BOLL: variants seen among roughly 807,000 people sequenced by gnomAD.
BOLL encodes protein boule-like.
A neutral mutation model predicts 44.4 loss-of-function variants in BOLL; 23 were observed. The observed-to-expected ratio is 0.52, with a 90% confidence interval of 0.37 to 0.73. The LOEUF (loss-of-function observed/expected upper bound fraction) is 0.73. Among genes scored for constraint, BOLL ranks in the 30% least tolerant of loss-of-function variants. The pLI is 0.00. For synonymous variants in BOLL, 97 were observed against 110.8 expected, an observed-to-expected ratio of 0.88 and a Z score of 0.78; for missense variants, 287 against 338.3, an observed-to-expected ratio of 0.85 and a Z score of 1.19.
intron 9 of BOLL, among the ~76,000 whole-genome samples, chr2:197,755,555 A>G (rs1275907823): frequency 6.6e-6 from 1 of 152,250 alleles, no homozygotes; most frequent in Non-Finnish European, 1.5e-5. Context: ...ATGGAATGCT[A>G]TGCAGCCATA....
intron 5 of BOLL, chr2:197,774,739 C>T (rs1431398153): frequency 2.0e-5 from 3 of 151,874 alleles, no homozygotes; most frequent in Non-Finnish European, 4.4e-5. Context: ...TAGTGCATTC[C>T]ATTTTGTATT....
intron 9 of BOLL, among the ~76,000 whole-genome samples, chr2:197,749,225 A>G (rs1458384408): frequency 6.6e-6 from 1 of 152,240 alleles, no homozygotes; most frequent in Admixed American, 6.5e-5. Context: ...CAAAAACCCC[A>G]TTCACAGGTC....
intron 7 of BOLL, 24 bp from the exon 8 acceptor site, chr2:197,757,424 AAAACCCATTCTGATTAT>A: frequency 6.3e-7 from 1 of 1,598,732 alleles, no homozygotes; most frequent in Non-Finnish European, 8.5e-7. Flanking sequence ...AAAGAAAAGA[AAAACCCATTCTGATTAT>A]AAACAAGGGT....
intron 10 of BOLL, among the ~76,000 whole-genome samples, chr2:197,736,745 G>A (rs538978541): frequency 2.2e-4 from 33 of 152,142 alleles, no homozygotes; most frequent in African/African-American, 7.7e-4. Flanking sequence ...ATCCTTTTTT[G>A]ATTTGTAAAT....
intron 9 of BOLL, among the ~76,000 whole-genome samples, chr2:197,746,871 A>T (rs1055973662): frequency 6.7e-6 from 1 of 149,362 alleles, no homozygotes; most frequent in Non-Finnish European, 1.5e-5. Context: ...CTGCACTCCA[A>T]CTTGGTGACA....
At chr2:197,751,166 A>G (rs1475591393) in intron 9 of BOLL, among the ~76,000 whole-genome samples, 1 of 152,246 alleles carries the variant, frequency 6.6e-6, no homozygotes, top group Non-Finnish European at 1.5e-5. Context: ...AGAGAAATTT[A>G]TAGCACTAAA....
chr2:197,732,634 T>G (rs1687251652), intron 10 of BOLL, among the ~76,000 whole-genome samples: 1 of 150,568 alleles, frequency 6.6e-6, no homozygotes, highest in South Asian at 2.1e-4. Context: ...GCTTCATCCC[T>G]GGGATGCAAG....
At chr2:197,738,097 C>A (rs1687577787) in intron 10 of BOLL, among the ~76,000 whole-genome samples, 2 of 152,210 alleles carry the variant, frequency 1.3e-5, no homozygotes, top group African/African-American at 2.4e-5. Flanking sequence ...ACCCTTCATA[C>A]CTTGGGATTT....
Position 197,728,501 on chromosome 2 carries a change from C to T in BOLL, c.*54G>A. The T allele has an allele frequency of 6.2e-7, 1 of 1,613,924 alleles. No homozygotes were observed. Among genetic ancestry groups the T allele is most frequent in the Non-Finnish European group, 8.5e-7 (1 of 1,179,924 alleles). On this transcript the variant is annotated 3_prime_UTR_variant, in exon 11 of 11. Coordinates refer to ENST00000392296, the MANE Select transcript of BOLL (RefSeq NM_033030.6). The stretch of plus-strand genomic sequence containing the variant: ...TCGTTGAAGCTGGATCTCGGCCACG[C>T]AAGGATCATTGGACAAGAAATCAGT...
intron 10 of BOLL, among the ~76,000 whole-genome samples, chr2:197,729,692 A>C (rs2106304764): frequency 6.6e-6 from 1 of 152,322 alleles, no homozygotes; most frequent in African/African-American, 2.4e-5. Context: ...GGCACCCCCC[A>C]CCAGGGGCAC....
chr2:197,752,289 G>C (rs1260695585), intron 9 of BOLL, among the ~76,000 whole-genome samples: 3 of 152,206 alleles, frequency 2.0e-5, no homozygotes, highest in Non-Finnish European at 2.9e-5. Context: ...AGTATTGGAA[G>C]TTCTGGCCAG....
At chr2:197,754,748 AAAACACACACACACACACACAC>A (rs1420955490) in intron 9 of BOLL, among the ~76,000 whole-genome samples, 6 of 91,926 alleles carry the variant, frequency 6.5e-5, no homozygotes, top group African/African-American at 3.5e-4. Flanking sequence ...AAAAAACCCC[AAAACACACACACACACACACAC>A]ACACACACAC....
At chr2:197,777,023 T>C in intron 4 of BOLL, 36 bp downstream of exon 4, 1 of 1,472,190 alleles carries the variant, frequency 6.8e-7, no homozygotes, top group African/African-American at 1.4e-5. Context: ...ATACAAAATT[T>C]CCAGAAATGA....
At chr2:197,764,352 G>C (rs757958132) in intron 7 of BOLL, among the ~76,000 whole-genome samples, 5 of 152,058 alleles carry the variant, frequency 3.3e-5, no homozygotes, top group Non-Finnish European at 5.9e-5. Flanking sequence ...ATACTATTTG[G>C]CTATAAAAAA....
chr2:197,775,635 T>C, intron 5 of BOLL, 30 bp downstream of exon 5: 1 of 1,362,356 alleles, frequency 7.3e-7, no homozygotes, highest in Non-Finnish European at 1.0e-6. Context: ...TGCAAAAATA[T>C]TTAAAAATAC....
chr2:197,741,022 C>G (rs895437120), intron 10 of BOLL, among the ~76,000 whole-genome samples: 2 of 151,964 alleles, frequency 1.3e-5, no homozygotes, highest in Non-Finnish European at 2.9e-5. Context: ...GTGAAGAAAG[C>G]CATTGGTAGC....
chr2:197,749,187 A>T lies in BOLL; in HGVS notation c.730-6028T>A, dbSNP rs112362315. 8.5e-5 allele frequency among the ~76,000 whole-genome samples: 13 copies of T among 152,322 alleles called. 3 individuals carry two copies. Among genetic ancestry groups the T allele is most frequent in the African/African-American group, 3.1e-4 (13 of 41,574 alleles). On this transcript the variant is annotated intron_variant, in intron 9 of 10. Transcript: ENST00000392296. Reference sequence around the variant, plus strand: ...AAACTAACAAACAGAAAGCAATAACATCAACATCAACAAAAAGGACATCCA... The same window carrying T: ...AAACTAACAAACAGAAAGCAATAACTTCAACATCAACAAAAAGGACATCCA...
chr2:197,740,751 G>A (rs181168770), intron 10 of BOLL, among the ~76,000 whole-genome samples: 130 of 152,270 alleles, frequency 8.5e-4, no homozygotes, highest in African/African-American at 3.0e-3. Context: ...CACATAGGAA[G>A]AGTTATTGCT....
At chr2:197,757,427 A>T in intron 7 of BOLL, 27 bp from the exon 8 acceptor site, 3 of 1,593,876 alleles carry the variant, frequency 1.9e-6, no homozygotes, top group Non-Finnish European at 2.6e-6. Flanking sequence ...GAAAAGAAAA[A>T]CCCATTCTGA....
Sources: gnomAD v4.1 joint callset for allele counts (sites outside exome capture counted in the v4.1 genomes callset) on GRCh38, gnomAD v4.1.1 for gene constraint, MANE v1.5 for transcripts, NCBI Gene and HGNC (gene_info 2026-07-23, HGNC 2026-07-21) for gene names.